Variants in ZFAND6 observed in about 807,000 individuals in gnomAD.
ZFAND6 encodes zinc finger AN1-type containing 6.
In ZFAND6, 12 loss-of-function variants were observed where a neutral mutation model predicts 24.5. That is an observed-to-expected ratio of 0.49 (90% CI 0.31 to 0.79). The LOEUF (loss-of-function observed/expected upper bound fraction) is 0.79. ZFAND6 is among the 30% of genes least tolerant of loss of function. The pLI, the probability that ZFAND6 is intolerant of heterozygous loss-of-function variation, is 0.04. For synonymous variants in ZFAND6, 92 were observed against 81.5 expected (o/e 1.13, Z -0.69); for missense variants, 207 against 245.9 (o/e 0.84, Z 1.06).
At chr15:80,137,352 A>G (rs914379784) in intron 6 of ZFAND6, 128 bp from the exon 7 acceptor site, 3 of 1,009,390 alleles carry the variant, frequency 3.0e-6, no homozygotes, top group Non-Finnish European at 4.1e-6. Context: ...TTTGTGAGAC[A>G]GTGTATTTAG....
chr15:80,119,990 A>C (rs952388411), intron 2 of ZFAND6, among the ~76,000 whole-genome samples: 4 of 152,192 alleles, frequency 2.6e-5, no homozygotes, highest in African/African-American at 9.7e-5. Flanking sequence ...TATATCTCTT[A>C]TTACTAGGAG....
chr15:80,062,133 C>T (rs1216348287), intron 1 of ZFAND6, among the ~76,000 whole-genome samples: 1 of 151,756 alleles, frequency 6.6e-6, no homozygotes, highest in Non-Finnish European at 1.5e-5. Flanking sequence ...TTCTGCTGTT[C>T]CTCTCCTCCC....
intron 1 of ZFAND6, among the ~76,000 whole-genome samples, chr15:80,069,149 A>T (rs2036831774): frequency 1.3e-5 from 2 of 151,950 alleles, no homozygotes; most frequent in African/African-American, 4.8e-5. Context: ...GGAGAGAGAG[A>T]ATTTAAAGTT....
intron 2 of ZFAND6, among the ~76,000 whole-genome samples, chr15:80,118,368 G>C (rs1258257294): frequency 6.6e-6 from 1 of 151,904 alleles, no homozygotes; most frequent in African/African-American, 2.4e-5. Context: ...GTGAGCCACC[G>C]TGCCCGGCCT....
intron 1 of ZFAND6, among the ~76,000 whole-genome samples, chr15:80,069,271 A>T (rs1247010067): frequency 1.3e-5 from 2 of 152,210 alleles, no homozygotes; most frequent in Non-Finnish European, 2.9e-5. Flanking sequence ...ATAGTTGAGT[A>T]TTATAAATGC....
chr15:80,067,664 T>G (rs2141799787), intron 1 of ZFAND6, among the ~76,000 whole-genome samples: 1 of 152,282 alleles, frequency 6.6e-6, no homozygotes, highest in South Asian at 2.1e-4. Context: ...CTCAGTGGCC[T>G]TATGTGGCTA....
At chr15:80,083,252 A>G (rs1159171269) in intron 1 of ZFAND6, among the ~76,000 whole-genome samples, 2 of 152,064 alleles carry the variant, frequency 1.3e-5, no homozygotes, top group African/African-American at 4.8e-5. Flanking sequence ...CGGCCTCCCA[A>G]AGTGCTGGGA....
intron 5 of ZFAND6, chr15:80,123,104 A>G (rs867438423): frequency 5.0e-6 from 1 of 200,810 alleles, no homozygotes; most frequent in Non-Finnish European, 1.0e-5. Flanking sequence ...GTTTCAGTCT[A>G]TATACTACTC....
chr15:80,092,870 G>C (rs750305519), intron 1 of ZFAND6, among the ~76,000 whole-genome samples: 4 of 151,920 alleles, frequency 2.6e-5, no homozygotes, highest in Non-Finnish European at 4.4e-5. Flanking sequence ...TTTATATTTA[G>C]CTCTCTGAAG....
chr15:80,080,621 G>T (rs924974361), intron 1 of ZFAND6, among the ~76,000 whole-genome samples: 2 of 152,198 alleles, frequency 1.3e-5, no homozygotes, highest in Admixed American at 1.3e-4. Context: ...AATCTTGGAT[G>T]TGTTAGGTCA....
chr15:80,093,658 G>C (rs1349422350), intron 1 of ZFAND6, among the ~76,000 whole-genome samples: 2 of 152,202 alleles, frequency 1.3e-5, no homozygotes, highest in African/African-American at 4.8e-5. Context: ...CCAGAAGGCG[G>C]AGGTTGCAGT....
intron 4 of ZFAND6, 59 bp from the exon 5 acceptor site, chr15:80,122,641 A>G (rs1044041526): frequency 1.9e-6 from 2 of 1,075,910 alleles, no homozygotes; most frequent in Non-Finnish European, 2.9e-6. Flanking sequence ...ACTGTGTCAC[A>G]TTAGTTAATA....
At chr15:80,094,528 G>A (rs557791396) in intron 1 of ZFAND6, among the ~76,000 whole-genome samples, 3 of 151,432 alleles carry the variant, frequency 2.0e-5, no homozygotes, top group Admixed American at 2.0e-4. Context: ...CTGGTCCCTG[G>A]ACCTCTTAGT....
At chr15:80,064,305 G>A (rs114167561) in intron 1 of ZFAND6, among the ~76,000 whole-genome samples, 1,912 of 152,032 alleles carry the variant, frequency 0.013, 34 homozygotes, top group African/African-American at 0.044. Context: ...TATCAAATTT[G>A]ACTAAAAATA....
intron 1 of ZFAND6, among the ~76,000 whole-genome samples, chr15:80,071,328 A>G (rs1222070549): frequency 6.6e-6 from 1 of 152,240 alleles, no homozygotes; most frequent in Non-Finnish European, 1.5e-5. Flanking sequence ...CATTGAAAGC[A>G]TATTTTAAGA....
chr15:80,077,860 C>T (rs953329921), intron 1 of ZFAND6, among the ~76,000 whole-genome samples: 5 of 151,740 alleles, frequency 3.3e-5, no homozygotes, highest in South Asian at 2.1e-4. Context: ...CCACCACGCC[C>T]GGCTAATTTT....
intron 1 of ZFAND6, among the ~76,000 whole-genome samples, chr15:80,069,952 T>G (rs2036879415): frequency 6.6e-6 from 1 of 152,146 alleles, no homozygotes; most frequent in East Asian, 1.9e-4. Context: ...TTTTCAGAGT[T>G]TATCCTTAGT....
At chr15:80,114,102 C>G (rs930530281) in intron 2 of ZFAND6, among the ~76,000 whole-genome samples, 1 of 152,158 alleles carries the variant, frequency 6.6e-6, no homozygotes, top group Non-Finnish European at 1.5e-5. Context: ...AAGCAAAAGA[C>G]CCTCTGCTTT....
chr15:80,113,621 A>C (rs1018995141), intron 2 of ZFAND6, among the ~76,000 whole-genome samples: 65 of 152,288 alleles, frequency 4.3e-4, no homozygotes, highest in African/African-American at 1.5e-3. Context: ...AACATTCTAC[A>C]TCAGTTTTCT....
Sources: allele counts gnomAD v4.1 joint callset (sites outside exome capture counted in the v4.1 genomes callset), GRCh38; gene constraint gnomAD v4.1.1; transcripts MANE v1.5; gene names NCBI Gene and HGNC (gene_info 2026-07-23, HGNC 2026-07-21).